Variants in SH3RF1 observed in about 807,000 individuals in gnomAD.
SH3RF1 encodes SH3 domain containing ring finger 1.
Under a neutral mutation model 74.0 loss-of-function variants are expected in SH3RF1, and 32 were observed. The observed-to-expected ratio is 0.43, with a 90% confidence interval of 0.33 to 0.58. The LOEUF is 0.58. SH3RF1 is among the 20% of genes least tolerant of loss of function. SH3RF1 has a pLI of 0.05. For synonymous variants in SH3RF1, 396 were observed against 439.6 expected (o/e 0.90, Z 1.24); for missense variants, 954 against 1,130.9 (o/e 0.84, Z 2.24).
chr4:169,227,652 C>T (rs1730673214), intron 2 of SH3RF1, among the ~76,000 whole-genome samples: 1 of 152,164 alleles, frequency 6.6e-6, no homozygotes, highest in Admixed American at 6.5e-5. Context: ...ACTATACTAC[C>T]ATACTGATCT....
rs193260678 is a variant in SH3RF1, at chr4:169,174,866, C to A, written c.394-18187G>T. Among the ~76,000 whole-genome samples the A allele has an allele frequency of 8.5e-5, 13 of 152,276 alleles. No homozygotes were observed. In the East Asian group the frequency reaches 2.3e-3, roughly 27 times the overall value. ...CGCTAAGAACTGTGGATCTACACAA[C>A]GATGTCTCCCAGATCTAACCTCAGC... On this transcript the variant is annotated intron_variant, in intron 2 of 11. Transcript: ENST00000284637.
intron 4 of SH3RF1, among the ~76,000 whole-genome samples, chr4:169,145,172 G>A (rs867479864): frequency 4.6e-4 from 70 of 152,220 alleles, no homozygotes; most frequent in African/African-American, 1.6e-3. Flanking sequence ...GCAAAGTCAC[G>A]AAATCAACCT....
At chr4:169,159,725 A>C (rs1734121660) in intron 2 of SH3RF1, among the ~76,000 whole-genome samples, 1 of 152,220 alleles carries the variant, frequency 6.6e-6, no homozygotes, top group Non-Finnish European at 1.5e-5. Flanking sequence ...TTTACCAGTG[A>C]AATGGGGCAC....
chr4:169,259,153 A>G (rs1370199173), intron 2 of SH3RF1, among the ~76,000 whole-genome samples: 1 of 152,184 alleles, frequency 6.6e-6, no homozygotes, highest in African/African-American at 2.4e-5. Flanking sequence ...TCCTGAATTG[A>G]TAAGCAGTTT....
intron 2 of SH3RF1, among the ~76,000 whole-genome samples, chr4:169,241,833 T>C (rs56815387): frequency 0.014 from 2,175 of 152,268 alleles, 43 homozygotes; most frequent in African/African-American, 0.049. Flanking sequence ...CTCGGTAAAG[T>C]CAACCTTGAG....
At chr4:169,203,333 T>A (rs981241752) in intron 2 of SH3RF1, among the ~76,000 whole-genome samples, 1 of 152,110 alleles carries the variant, frequency 6.6e-6, no homozygotes, top group Non-Finnish European at 1.5e-5. Flanking sequence ...GGTGGATCGC[T>A]TGAATCCAGG....
intron 11 of SH3RF1, among the ~76,000 whole-genome samples, chr4:169,100,333 C>G (rs532652254): frequency 6.6e-6 from 1 of 152,040 alleles, no homozygotes; most frequent in Non-Finnish European, 1.5e-5. Flanking sequence ...CATTACCTTC[C>G]ACCTCGTCAA....
chr4:169,104,119 C>T (rs962289894), intron 11 of SH3RF1, among the ~76,000 whole-genome samples: 11 of 152,278 alleles, frequency 7.2e-5, no homozygotes, highest in Admixed American at 3.3e-4. Context: ...AGACTGAGGA[C>T]ATCTGGCAAC....
At chr4:169,205,794 A>G (rs968174361) in intron 2 of SH3RF1, among the ~76,000 whole-genome samples, 3 of 152,266 alleles carry the variant, frequency 2.0e-5, no homozygotes, top group African/African-American at 7.2e-5. Flanking sequence ...GGAATATTTA[A>G]AGAATTTCTC....
chr4:169,132,726 G>A (rs984518416), intron 5 of SH3RF1, among the ~76,000 whole-genome samples: 19 of 152,110 alleles, frequency 1.2e-4, no homozygotes, highest in Non-Finnish European at 1.3e-4. Flanking sequence ...GGGGTTTATT[G>A]CTTTCCCTGA....
At chr4:169,170,219 A>G (rs1734303522) in intron 2 of SH3RF1, among the ~76,000 whole-genome samples, 1 of 152,214 alleles carries the variant, frequency 6.6e-6, no homozygotes, top group Admixed American at 6.5e-5. Context: ...GTAGAATATG[A>G]ATTACAGGTG....
chr4:169,119,622 T>C (rs2126945260), intron 8 of SH3RF1, among the ~76,000 whole-genome samples: 1 of 152,302 alleles, frequency 6.6e-6, no homozygotes, highest in East Asian at 1.9e-4. Context: ...TGAATGTAGA[T>C]TTTAACATAC....
chr4:169,227,536 T>C (rs533147293), intron 2 of SH3RF1, among the ~76,000 whole-genome samples: 5 of 152,336 alleles, frequency 3.3e-5, no homozygotes, highest in South Asian at 2.1e-4. Flanking sequence ...CCCACAGCAA[T>C]AGAATGTTTA....
intron 8 of SH3RF1, among the ~76,000 whole-genome samples, chr4:169,118,568 G>A (rs1013333621): frequency 3.9e-5 from 6 of 152,062 alleles, no homozygotes; most frequent in Non-Finnish European, 7.4e-5. Context: ...TGATTCTCCT[G>A]TCTAAGCCTC....
At chr4:169,265,226 C>A (rs1052483003) in intron 2 of SH3RF1, among the ~76,000 whole-genome samples, 5 of 152,166 alleles carry the variant, frequency 3.3e-5, no homozygotes, top group African/African-American at 1.2e-4. Context: ...GGTTTGTCTA[C>A]CATTACCTAT....
At chr4:169,144,970 C>A (rs1262936906) in intron 4 of SH3RF1, among the ~76,000 whole-genome samples, 1 of 152,064 alleles carries the variant, frequency 6.6e-6, no homozygotes, top group Non-Finnish European at 1.5e-5. Flanking sequence ...CACAAGAAGA[C>A]CTTGCAAAGT....
chr4:169,157,568 ACTT>A (rs1734080531), intron 2 of SH3RF1, among the ~76,000 whole-genome samples: 1 of 152,162 alleles, frequency 6.6e-6, no homozygotes. Flanking sequence ...ATCAGTTGTC[ACTT>A]TAAGATCTTT....
intron 2 of SH3RF1, among the ~76,000 whole-genome samples, chr4:169,254,657 C>T (rs575717399): frequency 2.0e-5 from 3 of 151,978 alleles, no homozygotes; most frequent in Non-Finnish European, 2.9e-5. Context: ...GAACCAGCAA[C>T]GTAGTGAGTT....
In SH3RF1 at chr4:169,250,318, T is replaced by TA. The variant is rs5863991; in HGVS notation, c.393+18501dup. Among the ~76,000 whole-genome samples, 599 of 144,266 alleles carry TA rather than the reference T, an allele frequency of 4.2e-3. 2 individuals are homozygous for TA. Among genetic ancestry groups the TA allele is most frequent in the African/African-American group, 0.014 (542 of 39,504 alleles). The allele number at this position is 144,266 out of a possible 152,430, so 94.6% of individuals were successfully genotyped here. On this transcript the variant is annotated intron_variant, in intron 2 of 11. Transcript: ENST00000284637. ...AATCATACTGCTCATCTCTTGGGTT[T>TA]AAAAAAAAAAAAGCTTGCGGCAAGA...
Sources: gnomAD v4.1 joint callset for allele counts (sites outside exome capture counted in the v4.1 genomes callset) on GRCh38, gnomAD v4.1.1 for gene constraint, MANE v1.5 for transcripts, NCBI Gene and HGNC (gene_info 2026-07-23, HGNC 2026-07-21) for gene names.